Variants in YME1L1 observed in about 807,000 individuals in gnomAD.
YME1L1 encodes the protein ATP-dependent zinc metalloprotease YME1L1.
A neutral mutation model predicts 90.4 loss-of-function variants in YME1L1; 39 were observed. The ratio of observed to expected loss-of-function variants is 0.43; its 90% CI spans 0.33 to 0.56. The LOEUF (loss-of-function observed/expected upper bound fraction) is 0.56, where lower values mean the gene tolerates loss of function less well. YME1L1 is among the 20% of genes least tolerant of loss of function. The pLI, the probability that YME1L1 is intolerant of heterozygous loss-of-function variation, is 0.03. For synonymous variants in YME1L1, 284 were observed against 287.3 expected (o/e 0.99, Z 0.12); for missense variants, 617 against 868.4 (o/e 0.71, Z 3.64).
chr10:27,123,783 T>G (rs1021839127), intron 9 of YME1L1, 84 bp from the exon 10 acceptor site: 4 of 1,368,848 alleles, frequency 2.9e-6, no homozygotes, highest in Non-Finnish European at 3.9e-6. Flanking sequence ...TAATTATTCA[T>G]TTATATAATT....
intron 2 of YME1L1, among the ~76,000 whole-genome samples, 200 bp downstream of exon 2, chr10:27,148,706 T>C (rs573359598): frequency 6.6e-6 from 1 of 152,286 alleles, no homozygotes; most frequent in South Asian, 2.1e-4. Flanking sequence ...ATATACAAAA[T>C]ATATGTTAAT....
chr10:27,149,486 G>A (rs1277509105), intron 1 of YME1L1, among the ~76,000 whole-genome samples: 1 of 151,942 alleles, frequency 6.6e-6, no homozygotes, highest in Non-Finnish European at 1.5e-5. Flanking sequence ...GAGGTGGGTG[G>A]ATCACTTGAG....
At chr10:27,132,810 A>C (rs908927353) in intron 7 of YME1L1, among the ~76,000 whole-genome samples, 7 of 152,034 alleles carry the variant, frequency 4.6e-5, no homozygotes, top group African/African-American at 1.7e-4. Flanking sequence ...ACAGAGCGAG[A>C]CTCCATCTCA....
Position 27,131,265 on chromosome 10 carries a change from T to C in YME1L1, c.858+594A>G, listed in dbSNP as rs183239203. 1.9e-3 allele frequency among the ~76,000 whole-genome samples: 284 copies of C among 152,328 alleles called. 2 individuals carry two copies. The highest frequency in any genetic ancestry group is 0.01 in the Middle Eastern group (3 of 294). ...ATACTCTACTTTTTCTTACATCACATATCAGTGTCCAATTACTGCTTTTAG... is the reference window on the plus strand; with the variant it reads ...ATACTCTACTTTTTCTTACATCACACATCAGTGTCCAATTACTGCTTTTAG... On this transcript the variant is annotated intron_variant, in intron 8 of 18. Coordinates refer to ENST00000376016, the MANE Select transcript of YME1L1 (RefSeq NM_014263.4).
intron 13 of YME1L1, among the ~76,000 whole-genome samples, chr10:27,120,107 A>C (rs2056851509): frequency 6.6e-6 from 1 of 152,144 alleles, no homozygotes. Flanking sequence ...ATCATGAGTT[A>C]CTGTTTCTGC....
In YME1L1 at chr10:27,134,111, G is replaced by A. The variant is rs1460632572; in HGVS notation, c.703C>T (p.Arg235Ter). 1 of 1,611,714 alleles carries A rather than the reference G, an allele frequency of 6.2e-7. No homozygotes were observed. Among genetic ancestry groups the A allele is most frequent in the Non-Finnish European group, 8.5e-7 (1 of 1,179,094 alleles). Residue 235 changes from arginine to a stop codon, truncating the protein, a stop_gained, in exon 7 of 19, where the codon CGA (arginine) becomes TGA (stop). Transcript: ENST00000376016. LOFTEE classifies it high-confidence loss of function. ...AGAACGAAGAGAATCAGACGGGTTCGCCTTAGGGAATCTAGGAGAGAAAGA... is the reference window on the plus strand; with the variant it reads ...AGAACGAAGAGAATCAGACGGGTTCACCTTAGGGAATCTAGGAGAGAAAGA... ...LTQKTNDSLR[R>*]TRLILFVLLL...
chr10:27,154,089 C>T (rs1395219090), intron 1 of YME1L1, 89 bp downstream of exon 1: 1 of 1,484,778 alleles, frequency 6.7e-7, no homozygotes, highest in South Asian at 1.2e-5. Flanking sequence ...TTCTAGAGTC[C>T]CTTCTGAGAA....
intron 2 of YME1L1, chr10:27,147,818 G>C: frequency 9.7e-7 from 1 of 1,027,036 alleles, no homozygotes. Context: ...TGGCCAGCAG[G>C]ACCTAGCAGC....
chr10:27,121,471 T>C (rs1333269870), intron 11 of YME1L1, 23 bp from the exon 12 acceptor site: 1 of 1,486,564 alleles, frequency 6.7e-7, no homozygotes, highest in Non-Finnish European at 9.4e-7. Context: ...AAAAATAGTA[T>C]CTTTTACTAA....
chr10:27,143,305 G>A (rs1048762824), intron 3 of YME1L1, among the ~76,000 whole-genome samples: 1 of 151,816 alleles, frequency 6.6e-6, no homozygotes, highest in Non-Finnish European at 1.5e-5. Flanking sequence ...GGAGGGAGAA[G>A]TTGTGGTGAG....
intron 8 of YME1L1, among the ~76,000 whole-genome samples, chr10:27,131,536 T>C (rs1402729485): frequency 2.0e-5 from 3 of 152,210 alleles, no homozygotes; most frequent in Non-Finnish European, 4.4e-5. Context: ...GCACATACAT[T>C]ATCTGTCAGG....
chr10:27,147,810 G>C (rs542631447), intron 2 of YME1L1: 343 of 1,155,426 alleles, frequency 3.0e-4, no homozygotes, highest in Non-Finnish European at 4.1e-4. Context: ...GTGCACAATG[G>C]CCAGCAGGAC....
chr10:27,147,473 G>A, intron 2 of YME1L1: 3 of 1,614,142 alleles, frequency 1.9e-6, no homozygotes, highest in Non-Finnish European at 2.5e-6. Flanking sequence ...TAGACAATAG[G>A]CATTTGGAGA....
At chr10:27,118,897 C>A (rs557798561) in intron 14 of YME1L1, among the ~76,000 whole-genome samples, 2 of 152,242 alleles carry the variant, frequency 1.3e-5, no homozygotes, top group South Asian at 2.1e-4. Context: ...ACATAAGCAA[C>A]TAGAATATAT....
intron 7 of YME1L1, among the ~76,000 whole-genome samples, chr10:27,132,723 G>A (rs1420257299): frequency 6.6e-6 from 1 of 151,986 alleles, no homozygotes; most frequent in African/African-American, 2.4e-5. Context: ...GGAGGCTGAG[G>A]CAGTGAAATT....
chr10:27,152,818 T>G (rs888835677), intron 1 of YME1L1, among the ~76,000 whole-genome samples: 1 of 150,742 alleles, frequency 6.6e-6, no homozygotes, highest in Non-Finnish European at 1.5e-5. Context: ...AATTGGGGGG[T>G]GGGTGGGTAT....
chr10:27,134,204 G>A, intron 6 of YME1L1, 82 bp from the exon 7 acceptor site: 1 of 1,070,018 alleles, frequency 9.3e-7, no homozygotes, highest in Non-Finnish European at 1.4e-6. Flanking sequence ...TTAGGTTATT[G>A]TTAATAATCA....
chr10:27,138,929 A>G (rs934073747), intron 4 of YME1L1, among the ~76,000 whole-genome samples: 5 of 152,110 alleles, frequency 3.3e-5, no homozygotes, highest in African/African-American at 1.2e-4. Flanking sequence ...AAGAGTTTTC[A>G]GGAAGCACAG....
Position 27,123,859 on chromosome 10 carries a change from A to C in YME1L1, c.950-160T>G, listed in dbSNP as rs2056891157. Among the ~76,000 whole-genome samples, 7 of 142,766 alleles carry C rather than the reference A, an allele frequency of 4.9e-5. No homozygotes were observed. In the South Asian group the frequency reaches 1.5e-3, roughly 31 times the overall value. 93.7% of individuals were successfully genotyped at this position (142,766 alleles called of 152,430 possible). On this transcript the variant is annotated intron_variant, in intron 9 of 18. Transcript: ENST00000376016. Reference sequence around the variant, plus strand: ...CAGCAAACCGTACTTGTCTCTGCTAATGGTTCACTTCAGAATCTTGTCCAA... The same window carrying C: ...CAGCAAACCGTACTTGTCTCTGCTACTGGTTCACTTCAGAATCTTGTCCAA...
Sources: gnomAD v4.1 joint callset for allele counts (sites outside exome capture counted in the v4.1 genomes callset) on GRCh38, gnomAD v4.1.1 for gene constraint, MANE v1.5 for transcripts, NCBI Gene and HGNC (gene_info 2026-07-23, HGNC 2026-07-21) for gene names.